SAXO1: variants seen among roughly 807,000 people sequenced by gnomAD.
The protein encoded by SAXO1 is 4930500O09Rik.
SAXO1 carries 21 observed loss-of-function variants against 17.5 expected under a neutral mutation model. That is an observed-to-expected ratio of 1.20 (90% CI 0.85 to 1.72). The LOEUF (loss-of-function observed/expected upper bound fraction) is 1.72, where lower values mean the gene tolerates loss of function less well. SAXO1 is among the 40% of genes most tolerant of loss of function. The pLI is 0.00. For missense variants in SAXO1, 843 were observed against 596.0 expected, an observed-to-expected ratio of 1.41 and a Z score of -4.32; for synonymous variants, 274 against 216.5, an observed-to-expected ratio of 1.27 and a Z score of -2.33.
intron 3 of SAXO1, 32 bp from the exon 4 acceptor site, chr9:18,929,087 T>C (rs760633071): frequency 2.2e-5 from 36 of 1,603,460 alleles, no homozygotes; most frequent in Non-Finnish European, 2.9e-5. Context: ...TAATTAATAA[T>C]AAATCAAGTC....
intron 3 of SAXO1, among the ~76,000 whole-genome samples, chr9:18,930,141 C>T (rs1383693882): frequency 6.6e-6 from 1 of 152,108 alleles, no homozygotes; most frequent in East Asian, 1.9e-4. Flanking sequence ...ATTTTATTTC[C>T]AGATGGAGTA....
At chr9:18,952,098 G>C (rs890299626) in intron 1 of SAXO1, among the ~76,000 whole-genome samples, 1 of 152,162 alleles carries the variant, frequency 6.6e-6, no homozygotes, top group African/African-American at 2.4e-5. Context: ...GCTGGACTGA[G>C]TCAGCTATTA....
chr9:19,004,569 A>G (rs1834413820), intron 1 of SAXO1, among the ~76,000 whole-genome samples: 1 of 152,252 alleles, frequency 6.6e-6, no homozygotes, highest in African/African-American at 2.4e-5. Flanking sequence ...TTTTTCATGG[A>G]CATGGATGAA....
intron 1 of SAXO1, among the ~76,000 whole-genome samples, chr9:18,981,440 A>G (rs1833380640): frequency 2.0e-5 from 3 of 151,982 alleles, no homozygotes; most frequent in South Asian, 4.2e-4. Flanking sequence ...CCTGACCCTT[A>G]CCCCCTTTTC....
chr9:19,025,181 G>T (rs1835421713), intron 1 of SAXO1, among the ~76,000 whole-genome samples: 1 of 152,086 alleles, frequency 6.6e-6, no homozygotes, highest in Non-Finnish European at 1.5e-5. Flanking sequence ...ATCTTAACGT[G>T]AAAGTTTTTC....
At chr9:18,968,782 T>C (rs954287537) in intron 1 of SAXO1, among the ~76,000 whole-genome samples, 5 of 152,102 alleles carry the variant, frequency 3.3e-5, no homozygotes, top group Non-Finnish European at 5.9e-5. Flanking sequence ...TTAGTAGAGA[T>C]GGGGCTTCCC....
chr9:19,017,987 G>A lies in SAXO1; in HGVS notation c.38+14884C>T, dbSNP rs545314924. On this transcript the variant is annotated intron_variant, in intron 1 of 3. Transcript: ENST00000380534. ...GGTGACGATGACCCTGGGCAACATG[G>A]CAAAATCTCATCTCTACAAAAAATA... Among the ~76,000 whole-genome samples the A allele has an allele frequency of 1.2e-4, 18 of 152,110 alleles. No individual in the cohort carries two copies. The South Asian group carries it at 3.5e-3, about 30-fold the overall frequency.
intron 3 of SAXO1, among the ~76,000 whole-genome samples, chr9:18,931,995 A>C (rs1232449593): frequency 6.6e-6 from 1 of 152,152 alleles, no homozygotes; most frequent in African/African-American, 2.4e-5. Flanking sequence ...CAAAACACCC[A>C]CCTGACACCT....
chr9:19,008,595 C>G (rs992189773), intron 1 of SAXO1, among the ~76,000 whole-genome samples: 1 of 152,116 alleles, frequency 6.6e-6, no homozygotes, highest in African/African-American at 2.4e-5. Flanking sequence ...AGATACCTAC[C>G]CGAATATTTA....
upstream of SAXO1, among the ~76,000 whole-genome samples, chr9:19,037,841 C>T (rs1835979916): frequency 6.6e-6 from 1 of 152,198 alleles, no homozygotes. Flanking sequence ...TCTCTTACAA[C>T]TGACATAAAT....
In SAXO1 at chr9:19,049,287, C is replaced by T. The variant is rs1564001614; in HGVS notation, c.-236G>A. 1 of 188,280 alleles carries T rather than the reference C, an allele frequency of 5.3e-6. No homozygotes were observed. The highest frequency in any genetic ancestry group is 1.2e-4 in the South Asian group (1 of 8,246). The allele number at this position is 188,280 out of a possible 1,614,324, so 11.7% of individuals were successfully genotyped here. A position where few individuals can be genotyped will look rare whatever the true frequency, so the allele number is the denominator to read the frequency against. ...CTTCCCTTCCATCTTAGGGCTCACG[C>T]CGCCCCGGTTAGGTTTCATTAGAGC... is the stretch of plus-strand genomic sequence containing the variant. On this transcript the variant is annotated 5_prime_UTR_variant, in exon 1 of 4. Transcript: ENST00000542071. The surrounding 1 kb of genome is among the most constrained non-coding windows in gnomAD (Gnocchi z 5.4).
intron 3 of SAXO1, among the ~76,000 whole-genome samples, chr9:18,933,951 C>G (rs1047735353): frequency 6.6e-6 from 1 of 152,150 alleles, no homozygotes; most frequent in Non-Finnish European, 1.5e-5. Context: ...GAGGCTGAGG[C>G]AGGAGAATGG....
chr9:18,973,397 A>G (rs916715255), intron 1 of SAXO1, among the ~76,000 whole-genome samples: 1 of 152,254 alleles, frequency 6.6e-6, no homozygotes, highest in Non-Finnish European at 1.5e-5. Context: ...GACAGGTATC[A>G]CAGGACACTG....
intron 1 of SAXO1, among the ~76,000 whole-genome samples, chr9:19,044,795 G>A (rs996611583): frequency 8.6e-5 from 13 of 151,768 alleles, no homozygotes; most frequent in Admixed American, 3.9e-4. Flanking sequence ...CCCGGGAGGC[G>A]GAGCTTGCAG....
intron 1 of SAXO1, among the ~76,000 whole-genome samples, chr9:18,954,250 T>C (rs1588433714): frequency 1.3e-5 from 2 of 152,110 alleles, no homozygotes; most frequent in Non-Finnish European, 2.9e-5. Context: ...TTATGATGGA[T>C]CTCAGAAATA....
chr9:18,938,983 C>G (rs1446285334), intron 3 of SAXO1, among the ~76,000 whole-genome samples: 1 of 151,874 alleles, frequency 6.6e-6, no homozygotes, highest in Non-Finnish European at 1.5e-5. Context: ...TTTTCACTCG[C>G]AGACCTCTCC....
At chr9:19,001,171 C>T (rs1041960642) in intron 1 of SAXO1, among the ~76,000 whole-genome samples, 1 of 152,182 alleles carries the variant, frequency 6.6e-6, no homozygotes, top group Non-Finnish European at 1.5e-5. Context: ...TTATTCTAAA[C>T]TTGACCACAT....
At chr9:18,995,690 G>C (rs909075589) in intron 1 of SAXO1, among the ~76,000 whole-genome samples, 2 of 151,970 alleles carry the variant, frequency 1.3e-5, no homozygotes, top group Admixed American at 1.3e-4. Flanking sequence ...AAATAATTCA[G>C]GTTTAGAAAC....
chr9:18,982,508 C>A (rs1833432964), intron 1 of SAXO1, among the ~76,000 whole-genome samples: 1 of 152,178 alleles, frequency 6.6e-6, no homozygotes, highest in African/African-American at 2.4e-5. Context: ...GAGCTGCTGC[C>A]TCCAGGGTCT....
Sources: gnomAD v4.1 joint callset for allele counts (sites outside exome capture counted in the v4.1 genomes callset) on GRCh38, gnomAD v4.1.1 for gene constraint, Gnocchi (gnomAD v3.1) non-coding constraint, MANE v1.5 for transcripts, NCBI Gene and HGNC (gene_info 2026-07-23, HGNC 2026-07-21) for gene names.